CDK5RAP2: variants seen among roughly 807,000 people sequenced by gnomAD.
CDK5RAP2 encodes the protein CDK5 regulatory subunit-associated protein 2.
CDK5RAP2 carries 147 observed loss-of-function variants against 232.9 expected under a neutral mutation model. The observed-to-expected ratio is 0.63, with a 90% CI of 0.55 to 0.72. The LOEUF is 0.72. CDK5RAP2 is among the 30% of genes least tolerant of loss of function. The pLI is 0.00. For missense variants in CDK5RAP2, 2,195 were observed against 2,231.5 expected (o/e 0.98, Z 0.33); for synonymous variants, 833 against 833.7 (o/e 1.00, Z 0.01).
intron 21 of CDK5RAP2, among the ~76,000 whole-genome samples, chr9:120,453,011 T>A (rs1010134170): frequency 6.6e-6 from 1 of 152,222 alleles, no homozygotes; most frequent in African/African-American, 2.4e-5. Context: ...ACAATTTGAC[T>A]GCAACCTGCA....
intron 3 of CDK5RAP2, among the ~76,000 whole-genome samples, chr9:120,555,121 T>C (rs915182584): frequency 1.7e-5 from 2 of 116,216 alleles, no homozygotes; most frequent in African/African-American, 6.6e-5. Flanking sequence ...CCTATTAGAA[T>C]GGCTAAATTT....
At chr9:120,480,320 T>C (rs1205962303) in intron 14 of CDK5RAP2, among the ~76,000 whole-genome samples, 1 of 152,206 alleles carries the variant, frequency 6.6e-6, no homozygotes, top group African/African-American at 2.4e-5. Context: ...TACATCCCTA[T>C]TTCCACTAAC....
chr9:120,551,050 T>G (rs2042025023), intron 3 of CDK5RAP2, 148 bp from the exon 4 acceptor site: 1 of 667,294 alleles, frequency 1.5e-6, no homozygotes, highest in African/African-American at 1.8e-5. Context: ...GCTACCATTC[T>G]ACTAACCCAG....
chr9:120,509,416 G>A (rs775979464), intron 12 of CDK5RAP2, among the ~76,000 whole-genome samples: 2 of 152,110 alleles, frequency 1.3e-5, no homozygotes, highest in African/African-American at 4.8e-5. Flanking sequence ...CAGGAACCAC[G>A]GTAGGCATTT....
chr9:120,520,730 A>G (rs750355537), intron 11 of CDK5RAP2, among the ~76,000 whole-genome samples: 16 of 151,118 alleles, frequency 1.1e-4, no homozygotes, highest in Non-Finnish European at 1.9e-4. Flanking sequence ...GATATATCAT[A>G]TATGTATCAT....
intron 25 of CDK5RAP2, among the ~76,000 whole-genome samples, chr9:120,436,104 T>A (rs1269949286): frequency 6.6e-6 from 1 of 152,202 alleles, no homozygotes; most frequent in Non-Finnish European, 1.5e-5. Flanking sequence ...AGACATTACC[T>A]TAAGGAAGTG....
In CDK5RAP2 at chr9:120,525,093, T is replaced by A; in HGVS notation, c.1000-15A>T. On this transcript the variant is annotated splice_polypyrimidine_tract_variant and intron_variant, in intron 10 of 37. Transcript: ENST00000349780. ...AGTTCTTCAACCTGGGGAAAAATAA[T>A]GAATACCAGCCAAGTATGTAACTGG... The A allele has an allele frequency of 1.9e-6, 3 of 1,599,434 alleles. No individual in the cohort carries two copies. The highest frequency in any genetic ancestry group is 2.6e-6 in the Non-Finnish European group (3 of 1,166,704).
intron 25 of CDK5RAP2, among the ~76,000 whole-genome samples, chr9:120,428,844 T>C (rs1047472852): frequency 2.6e-5 from 4 of 152,206 alleles, no homozygotes; most frequent in African/African-American, 9.7e-5. Flanking sequence ...TGAACATTGA[T>C]GCAAAAATCC....
chr9:120,390,218 G>A, intron 36 of CDK5RAP2: 1 of 187,796 alleles, frequency 5.3e-6, no homozygotes, highest in Non-Finnish European at 1.1e-5. Flanking sequence ...GCAGCTGTGG[G>A]AAGGGACTGT....
At chr9:120,516,214 T>C (rs2040331062) in intron 12 of CDK5RAP2, among the ~76,000 whole-genome samples, 1 of 152,106 alleles carries the variant, frequency 6.6e-6, no homozygotes, top group African/African-American at 2.4e-5. Flanking sequence ...ATGTGCTTTG[T>C]AGATACATGG....
chr9:120,570,260 G>A (rs892299831), intron 2 of CDK5RAP2, among the ~76,000 whole-genome samples: 2 of 152,242 alleles, frequency 1.3e-5, no homozygotes, highest in South Asian at 2.1e-4. Flanking sequence ...CTGTGTCTGG[G>A]ATGCTCATCC....
chr9:120,473,703 TCA>T (rs2037849188), intron 15 of CDK5RAP2, among the ~76,000 whole-genome samples: 1 of 152,220 alleles, frequency 6.6e-6, no homozygotes, highest in Non-Finnish European at 1.5e-5. Flanking sequence ...ATGAAAAACC[TCA>T]CAGAGGTGTC....
chr9:120,448,687 T>C (rs1329474305), intron 21 of CDK5RAP2, among the ~76,000 whole-genome samples: 1 of 152,196 alleles, frequency 6.6e-6, no homozygotes, highest in South Asian at 2.1e-4. Flanking sequence ...TCTACGCCAC[T>C]TCAACAATCT....
Position 120,570,768 on chromosome 9 carries a change from G to A in CDK5RAP2, c.127+1206C>T, listed in dbSNP as rs1482963421. Among the ~76,000 whole-genome samples the A allele has an allele frequency of 2.0e-5, 3 of 151,852 alleles. No individual in the cohort carries two copies. In the East Asian group the frequency reaches 5.8e-4, roughly 29 times the overall value. On this transcript the variant is annotated intron_variant, in intron 2 of 37. Coordinates refer to ENST00000349780, the MANE Select transcript of CDK5RAP2 (RefSeq NM_018249.6). The stretch of plus-strand genomic sequence containing the variant: ...GCAGAAGAATTGCTTGAACCCACGA[G>A]GCGGAGGTTGCAGTGAGCCGAGATC...
At chr9:120,491,852 A>G (rs1208173237) in intron 12 of CDK5RAP2, among the ~76,000 whole-genome samples, 2 of 152,194 alleles carry the variant, frequency 1.3e-5, no homozygotes, top group African/African-American at 4.8e-5. Flanking sequence ...GATGCTCATT[A>G]TTTTCTAAAT....
In CDK5RAP2 at chr9:120,437,543, A is replaced by G; in HGVS notation, c.3723-16T>C. 6.3e-7 allele frequency: 1 copy of G among 1,575,938 alleles called. No individual in the cohort carries two copies. Among genetic ancestry groups the G allele is most frequent in the Non-Finnish European group, 8.7e-7 (1 of 1,145,256 alleles). On this transcript the variant is annotated splice_polypyrimidine_tract_variant and intron_variant, in intron 24 of 37. Transcript: ENST00000349780. Reference sequence around the variant, plus strand: ...TGAATCGTATCTGATAAAAGAGGGGAAAGAAAATACTTGGACCATTTTAGA... The same window carrying G: ...TGAATCGTATCTGATAAAAGAGGGGGAAGAAAATACTTGGACCATTTTAGA...
At chr9:120,531,701 TAGTTTGGGAGAA>T (rs2041159791) in intron 7 of CDK5RAP2, among the ~76,000 whole-genome samples, 1 of 152,068 alleles carries the variant, frequency 6.6e-6, no homozygotes, top group Admixed American at 6.5e-5. Flanking sequence ...GAAAGCAACT[TAGTTTGGGAGAA>T]AGAAGAAAGA....
At chr9:120,442,039 T>C (rs571092645) in intron 23 of CDK5RAP2, among the ~76,000 whole-genome samples, 1 of 152,180 alleles carries the variant, frequency 6.6e-6, no homozygotes, top group Non-Finnish European at 1.5e-5. Flanking sequence ...AATAACCTCA[T>C]GATAATAGAA....
At chr9:120,492,463 T>C (rs1235812714) in intron 12 of CDK5RAP2, among the ~76,000 whole-genome samples, 2 of 152,184 alleles carry the variant, frequency 1.3e-5, no homozygotes, top group Non-Finnish European at 2.9e-5. Context: ...GGGACAAAGA[T>C]AGAAACTAAA....
Sources: allele counts gnomAD v4.1 joint callset (sites outside exome capture counted in the v4.1 genomes callset), GRCh38; gene constraint gnomAD v4.1.1; transcripts MANE v1.5; gene names NCBI Gene and HGNC (gene_info 2026-07-23, HGNC 2026-07-21).